The following SCN9A variants were observed in gnomAD, a reference collection of about 807,000 sequenced individuals.
SCN9A encodes sodium channel protein type 9 subunit alpha.
In SCN9A, 131 loss-of-function variants were observed where a neutral mutation model predicts 187.0. That is an observed-to-expected ratio of 0.70 (90% confidence interval 0.61 to 0.81). SCN9A has a LOEUF of 0.81. Ranked by LOEUF, SCN9A falls within the 30% of genes least tolerant of loss-of-function variation. The probability of loss-of-function intolerance (pLI) is 0.00; values close to 1 mark genes in which losing one functional copy is unlikely to be tolerated. For missense variants in SCN9A, 2,252 were observed against 2,396.6 expected (o/e 0.94, Z 1.26); for synonymous variants, 809 against 808.6 (o/e 1.00, Z -0.01).
At position 166,242,805 on chromosome 2, in the gene SCN9A, G is replaced by A. The variant is rs1412087979; in HGVS notation, c.3473-149C>T. On this transcript the variant is annotated intron_variant, in intron 18 of 26. Transcript: ENST00000642356. ...TGCAATTTCAGATAGATTTAATTTGGATGCTGCCTTCCTTCATCTTCTAAC... is the reference window on the plus strand; with the variant it reads ...TGCAATTTCAGATAGATTTAATTTGAATGCTGCCTTCCTTCATCTTCTAAC... The A allele has an allele frequency of 2.6e-5, 15 of 569,082 alleles. No homozygotes were observed. The South Asian group carries it at 4.3e-4, about 16-fold the overall frequency. The allele number at this position is 569,082 out of a possible 1,614,324, so 35.3% of individuals were successfully genotyped here.
intron 10 of SCN9A, among the ~76,000 whole-genome samples, chr2:166,287,878 C>T (rs1027674704): frequency 1.3e-5 from 2 of 150,422 alleles, no homozygotes; most frequent in African/African-American, 4.9e-5. Context: ...TTAATTTTAA[C>T]GTTAAAATAA....
intron 1 of SCN9A, among the ~76,000 whole-genome samples, chr2:166,375,444 CCA>C (rs1251803801): frequency 3.3e-5 from 5 of 152,176 alleles, no homozygotes; most frequent in Non-Finnish European, 5.9e-5. Flanking sequence ...GGCAGCAAAC[CCA>C]CAGAGTCAAA....
chr2:166,281,159 T>TG (rs896150375), intron 13 of SCN9A, among the ~76,000 whole-genome samples: 7 of 152,018 alleles, frequency 4.6e-5, no homozygotes, highest in Non-Finnish European at 8.8e-5. Context: ...AATGGGAATG[T>TG]GGGGGGTGAA....
Position 166,288,058 on chromosome 2 carries a change from TATA to T in SCN9A, c.1314+376_1314+378del, listed in dbSNP as rs1225794103. Among the ~76,000 whole-genome samples the T allele has an allele frequency of 4.8e-5, 7 of 146,074 alleles. No individual in the cohort carries two copies. In the East Asian group the frequency reaches 9.9e-4, roughly 21 times the overall value. On this transcript the variant is annotated intron_variant, in intron 10 of 26. Coordinates refer to ENST00000642356, the MANE Select transcript of SCN9A (RefSeq NM_001365536.1). ...TATTCTAAAAGATTTTTCCTCATGA[TATA>T]ATAATTTAAAAAAACACATAGTTCC... is the stretch of plus-strand genomic sequence containing the variant.
intron 1 of SCN9A, among the ~76,000 whole-genome samples, chr2:166,361,750 A>G (rs1360709815): frequency 1.3e-5 from 2 of 152,148 alleles, no homozygotes; most frequent in East Asian, 1.9e-4. Context: ...GAATTATGCA[A>G]AAGTTTAAAA....
intron 1 of SCN9A, among the ~76,000 whole-genome samples, chr2:166,360,958 T>C (rs1212505159): frequency 6.6e-6 from 1 of 152,160 alleles, no homozygotes; most frequent in Non-Finnish European, 1.5e-5. Flanking sequence ...AGTAAAATAG[T>C]AAGACAGCAT....
Position 166,286,496 on chromosome 2 carries a change from T to C in SCN9A, c.1442A>G (p.Lys481Arg). ...KSAKERRNRRKKKNQKKLSSG... is the reference protein window; with the variant it reads ...KSAKERRNRRRKKNQKKLSSG... ...GGAGAGCTTCTTTTGATTCTTTTTC[T>C]TTCTTCTGTTTCTTCTTTCTTTAGC... Residue 481 changes from lysine to arginine, a missense_variant, in exon 11 of 27, where the codon AAG becomes AGG. Transcript: ENST00000642356. 9 of 1,613,664 alleles carry C rather than the reference T, an allele frequency of 5.6e-6. No homozygotes were observed. Among genetic ancestry groups the C allele is most frequent in the Non-Finnish European group, 7.6e-6 (9 of 1,179,784 alleles).
Position 166,199,374 on chromosome 2 carries a change from G to A in SCN9A, c.5265C>T (p.Tyr1755=). The stretch of plus-strand genomic sequence containing the variant: ...TAAAATTCTCCAGTATGACTGCAAT[G>A]TACATGTTCACCACAACCAGGAAGG... The part of the protein sequence containing the change: ...IISFLVVVNM[Y]IAVILENFSV... The change falls in exon 27 of 27, where the codon TAC becomes TAT. Residue 1755 remains tyrosine (Y), a synonymous_variant. Transcript: ENST00000642356. The A allele has an allele frequency of 6.2e-7, 1 of 1,614,170 alleles. No individual in the cohort carries two copies.
chr2:166,370,679 C>A (rs1574975263), intron 1 of SCN9A, among the ~76,000 whole-genome samples: 1 of 151,428 alleles, frequency 6.6e-6, no homozygotes, highest in East Asian at 1.9e-4. Context: ...TTAATGCATG[C>A]TTCTAATCTT....
intron 1 of SCN9A, among the ~76,000 whole-genome samples, chr2:166,354,988 G>C (rs1308306699): frequency 1.3e-5 from 2 of 151,956 alleles, no homozygotes; most frequent in African/African-American, 2.4e-5. Context: ...CTGTTACCCA[G>C]GCTGTGGTGC....
intron 1 of SCN9A, among the ~76,000 whole-genome samples, chr2:166,316,215 C>G (rs1574918551): frequency 6.6e-6 from 1 of 151,964 alleles, no homozygotes; most frequent in African/African-American, 2.4e-5. Context: ...TCTAAAAATA[C>G]AAATGGTTAA....
At chr2:166,200,819 AG>A (rs1450652102) in intron 26 of SCN9A, among the ~76,000 whole-genome samples, 1 of 152,082 alleles carries the variant, frequency 6.6e-6, no homozygotes, top group Admixed American at 6.5e-5. Flanking sequence ...TGTTTTTGGT[AG>A]GGACGGTTTT....
Position 166,270,441 on chromosome 2 carries a change from C to G in SCN9A, c.3351+1958G>C, listed in dbSNP as rs1464314885. 4.6e-5 allele frequency among the ~76,000 whole-genome samples: 7 copies of G among 151,652 alleles called. No homozygotes were observed. In the East Asian group the frequency reaches 1.2e-3, roughly 25 times the overall value. Reference sequence around the variant, plus strand: ...GTGGGGGGCCTTCAAACTACTCGCCCATAGATATCGAGGGATGACTAGATT... The same window carrying G: ...GTGGGGGGCCTTCAAACTACTCGCCGATAGATATCGAGGGATGACTAGATT... On this transcript the variant is annotated intron_variant, in intron 17 of 26. Coordinates refer to ENST00000642356, the MANE Select transcript of SCN9A (RefSeq NM_001365536.1).
At chr2:166,245,456 C>T (rs1458794543) in intron 18 of SCN9A, among the ~76,000 whole-genome samples, 1 of 151,270 alleles carries the variant, frequency 6.6e-6, no homozygotes, top group African/African-American at 2.4e-5. Flanking sequence ...CAAGAGGGTG[C>T]AGTAAAAGAG....
rs1043045989 is a variant in SCN9A at position 166,286,318 on chromosome 2, T to G, written c.1602+18A>C. The G allele has an allele frequency of 1.3e-6, 2 of 1,592,234 alleles. No individual in the cohort carries two copies. The highest frequency in any genetic ancestry group is 1.4e-5 in the African/African-American group (1 of 73,720). ...CATTCTGCCTCGGGTGATACACATTTAGCAATTTGGGTGGTACCTGATTGG... is the reference window on the plus strand; with the variant it reads ...CATTCTGCCTCGGGTGATACACATTGAGCAATTTGGGTGGTACCTGATTGG... On this transcript the variant is annotated intron_variant, in intron 11 of 26. Transcript: ENST00000642356.
intron 1 of SCN9A, among the ~76,000 whole-genome samples, chr2:166,370,782 T>A (rs1300222699): frequency 6.7e-6 from 1 of 149,762 alleles, no homozygotes; most frequent in African/African-American, 2.5e-5. Flanking sequence ...GGCGTACATA[T>A]CAAACATTTG....
chr2:166,227,519 G>A (rs1187705991), intron 23 of SCN9A, 151 bp downstream of exon 23: 5 of 628,904 alleles, frequency 8.0e-6, no homozygotes, highest in African/African-American at 3.7e-5. Flanking sequence ...TCCAACTGCT[G>A]TACTCACAAC....
At chr2:166,253,082 C>A (rs1696116647) in intron 17 of SCN9A, among the ~76,000 whole-genome samples, 1 of 151,880 alleles carries the variant, frequency 6.6e-6, no homozygotes, top group Admixed American at 6.6e-5. Context: ...AATATGATAG[C>A]CCAATCTAAA....
chr2:166,339,304 A>G (rs1209968860), intron 1 of SCN9A, among the ~76,000 whole-genome samples: 1 of 152,196 alleles, frequency 6.6e-6, no homozygotes, highest in Non-Finnish European at 1.5e-5. Context: ...GGCACAAACA[A>G]GTAATAGCTG....
Sources: gnomAD v4.1 joint callset for allele counts (sites outside exome capture counted in the v4.1 genomes callset) on GRCh38, gnomAD v4.1.1 for gene constraint, MANE v1.5 for transcripts, NCBI Gene and HGNC (gene_info 2026-07-23, HGNC 2026-07-21) for gene names.